Variants in ARID2 observed in about 807,000 individuals in gnomAD.
ARID2 encodes AT-rich interaction domain 2, also known as AT-rich interactive domain-containing protein 2.
In ARID2, 32 loss-of-function variants were observed where a neutral mutation model predicts 184.6. The observed-to-expected ratio is 0.17, with a 90% confidence interval of 0.13 to 0.23. The LOEUF is 0.23. Among genes scored for constraint, ARID2 ranks in the 10% least tolerant of loss-of-function variants. The pLI, the probability that ARID2 is intolerant of heterozygous loss-of-function variation, is 1.00. For missense variants in ARID2, 1,696 were observed against 2,197.6 expected (o/e 0.77, Z 4.56); for synonymous variants, 836 against 772.6 (o/e 1.08, Z -1.36).
At chr12:45,764,783 C>G (rs546224718) in intron 3 of ARID2, among the ~76,000 whole-genome samples, 3 of 152,220 alleles carry the variant, frequency 2.0e-5, no homozygotes, top group Admixed American at 6.5e-5. Context: ...TTGGTTGCTT[C>G]CAGTCTTTGG....
chr12:45,888,030 C>T (rs1944225297), intron 16 of ARID2, among the ~76,000 whole-genome samples: 1 of 152,050 alleles, frequency 6.6e-6, no homozygotes, highest in Non-Finnish European at 1.5e-5. Flanking sequence ...CCTGTCTCTA[C>T]TAAAAATATA....
At chr12:45,895,598 G>A (rs908634592) in intron 20 of ARID2, among the ~76,000 whole-genome samples, 3 of 152,306 alleles carry the variant, frequency 2.0e-5, no homozygotes, top group South Asian at 2.1e-4. Flanking sequence ...GCAGTGGCAC[G>A]ATCTCGGCTC....
chr12:45,746,117 CT>C (rs1459462364), intron 3 of ARID2, among the ~76,000 whole-genome samples: 8 of 139,548 alleles, frequency 5.7e-5, no homozygotes, highest in Admixed American at 1.4e-4. Flanking sequence ...TTTTTTTTTC[CT>C]TTGGAGACAG....
intron 3 of ARID2, among the ~76,000 whole-genome samples, chr12:45,790,526 A>G (rs1942275425): frequency 6.6e-6 from 1 of 152,088 alleles, no homozygotes; most frequent in African/African-American, 2.4e-5. Flanking sequence ...GGTCCTGTAC[A>G]TTGTTCTCTG....
chr12:45,849,522 A>G, intron 13 of ARID2, 58 bp from the exon 14 acceptor site: 1 of 1,376,212 alleles, frequency 7.3e-7, no homozygotes, highest in East Asian at 2.3e-5. Flanking sequence ...TGTAAACATA[A>G]TGTTAGAAGT....
In ARID2 at chr12:45,851,847, A is replaced by T. The variant is rs567461153; in HGVS notation, c.3724A>T (p.Ile1242Leu). The T allele has an allele frequency of 1.2e-6, 2 of 1,614,200 alleles. No homozygotes were observed. The highest frequency in any genetic ancestry group is 2.2e-5 in the South Asian group (2 of 91,090). The change falls in exon 15 of 21, where the codon ATA becomes TTA. Residue 1242 changes from isoleucine to leucine, a missense_variant. Coordinates refer to ENST00000334344, the MANE Select transcript of ARID2 (RefSeq NM_152641.4). ...TACTCCCCCATTCAAAGGTGATAAAATAATTTGCCAAAAGGAGGAGGAAGC... is the reference window on the plus strand; with the variant it reads ...TACTCCCCCATTCAAAGGTGATAAATTAATTTGCCAAAAGGAGGAGGAAGC... The part of the protein sequence containing the change: ...TATPPFKGDK[I>L]ICQKEEEAKE...
intron 4 of ARID2, among the ~76,000 whole-genome samples, chr12:45,812,502 G>A (rs1437864417): frequency 6.6e-6 from 1 of 152,118 alleles, no homozygotes; most frequent in East Asian, 1.9e-4. Context: ...CATTAGAAGA[G>A]GCTTCATCTG....
intron 2 of ARID2, 76 bp downstream of exon 2, chr12:45,730,213 G>T (rs1002772488): frequency 1.4e-5 from 21 of 1,478,058 alleles, no homozygotes; most frequent in Admixed American, 9.3e-5. Context: ...CGGAGTGGGC[G>T]CTTGGGGCTG....
chr12:45,822,569 A>G (rs1942917995), intron 6 of ARID2, among the ~76,000 whole-genome samples: 1 of 152,162 alleles, frequency 6.6e-6, no homozygotes, highest in Non-Finnish European at 1.5e-5. Flanking sequence ...ATAAAAATAA[A>G]TAAAAAATAA....
chr12:45,770,298 G>A (rs148062651), intron 3 of ARID2, among the ~76,000 whole-genome samples: 41 of 152,062 alleles, frequency 2.7e-4, no homozygotes, highest in African/African-American at 9.9e-4. Context: ...AATATTCCCA[G>A]ACAGATAAAC....
chr12:45,746,883 C>T (rs932884964), intron 3 of ARID2, among the ~76,000 whole-genome samples: 3 of 152,186 alleles, frequency 2.0e-5, no homozygotes, highest in Non-Finnish European at 4.4e-5. Context: ...TCTCCTGCCT[C>T]AGCCTCCCGA....
rs2138125036 is a variant in ARID2, at chr12:45,836,581, C to G, written c.706-8C>G. Reference sequence around the variant, plus strand: ...AATCATGGAGAATTAAATAATTTATCATTACAGTTTTGGAAAGACATCGTT... The same window carrying G: ...AATCATGGAGAATTAAATAATTTATGATTACAGTTTTGGAAAGACATCGTT... On this transcript the variant is annotated splice_region_variant and splice_polypyrimidine_tract_variant and intron_variant, in intron 6 of 20. Coordinates refer to ENST00000334344, the MANE Select transcript of ARID2 (RefSeq NM_152641.4). The G allele has an allele frequency of 6.2e-7, 1 of 1,600,348 alleles. No individual in the cohort carries two copies. The highest frequency in any genetic ancestry group is 8.5e-7 in the Non-Finnish European group (1 of 1,173,824).
intron 16 of ARID2, among the ~76,000 whole-genome samples, chr12:45,867,512 G>A (rs1361150230): frequency 6.6e-6 from 1 of 151,414 alleles, no homozygotes; most frequent in Non-Finnish European, 1.5e-5. Flanking sequence ...GGAGGCCGAG[G>A]CGGGCTGATC....
chr12:45,746,457 T>C (rs1565580534), intron 3 of ARID2, among the ~76,000 whole-genome samples: 1 of 152,038 alleles, frequency 6.6e-6, no homozygotes, highest in Non-Finnish European at 1.5e-5. Context: ...TAGGGAGATA[T>C]GTTTTAAAAA....
chr12:45,783,636 G>A (rs919296412), intron 3 of ARID2, among the ~76,000 whole-genome samples: 2 of 152,236 alleles, frequency 1.3e-5, no homozygotes, highest in African/African-American at 4.8e-5. Context: ...TGCATGCGCA[G>A]TTCACAGTAG....
chr12:45,763,469 CA>C (rs879682399), intron 3 of ARID2, among the ~76,000 whole-genome samples: 1,889 of 128,174 alleles, frequency 0.015, 35 homozygotes, highest in African/African-American at 0.046. Context: ...GACTCAGACT[CA>C]AAAAAAAAAA....
rs2138160350 is a variant in ARID2 at position 45,850,263 on chromosome 12, G to A, written c.2140G>A (p.Val714Ile). The change falls in exon 15 of 21, where the codon GTT (valine) becomes ATT (isoleucine). Residue 714 changes from valine (V) to isoleucine (I), a missense_variant. This residue lies in a region of ARID2 where 713 missense variants were observed against 824.4 expected (regional missense o/e 0.86). Coordinates refer to ENST00000334344, the MANE Select transcript of ARID2 (RefSeq NM_152641.4). Reference sequence around the variant, plus strand: ...TAAAGCTCCAATTCCTTGTGAAGTTGTTAAGGCTACAGTTATCCAGAATTC... The same window carrying A: ...TAAAGCTCCAATTCCTTGTGAAGTTATTAAGGCTACAGTTATCCAGAATTC... ...QSKAPIPCEV[V>I]KATVIQNSIP... 1 of 1,614,124 alleles carries A rather than the reference G, an allele frequency of 6.2e-7. No individual in the cohort carries two copies. Among genetic ancestry groups the A allele is most frequent in the Non-Finnish European group, 8.5e-7 (1 of 1,180,006 alleles).
rs768370439 is a variant in ARID2 at position 45,837,041 on chromosome 12, A to T, written c.1023+50A>T. 75 of 1,572,408 alleles carry T rather than the reference A, an allele frequency of 4.8e-5. No individual in the cohort carries two copies. In the African/African-American group the frequency reaches 8.7e-4, roughly 18 times the overall value. ...CTAGTTTTTATAGTTAGCAACATTT[A>T]TGTTACAATTTTAGGATGTGGCATT... On this transcript the variant is annotated intron_variant, in intron 8 of 20. Transcript: ENST00000334344.
chr12:45,803,732 CTTTATTG>C (rs1942549868), intron 3 of ARID2, among the ~76,000 whole-genome samples: 1 of 152,110 alleles, frequency 6.6e-6, no homozygotes, highest in African/African-American at 2.4e-5. Flanking sequence ...TACTCTGCCA[CTTTATTG>C]TTTAGTTTTG....
Sources: allele counts gnomAD v4.1 joint callset (sites outside exome capture counted in the v4.1 genomes callset), GRCh38; gene constraint gnomAD v4.1.1; regional missense constraint gnomAD v4.1.1; transcripts MANE v1.5; gene names NCBI Gene and HGNC (gene_info 2026-07-23, HGNC 2026-07-21).